The following HS1BP3 variants were observed in gnomAD, a reference collection of about 807,000 sequenced individuals.
HS1BP3 encodes the protein HCLS1 binding protein 3, also known as HCLS1-binding protein 3.
Under a neutral mutation model 33.5 loss-of-function variants are expected in HS1BP3, and 32 were observed. The observed-to-expected ratio is 0.95, with a 90% CI of 0.72 to 1.28. The LOEUF (loss-of-function observed/expected upper bound fraction) is 1.28, where lower values mean the gene tolerates loss of function less well. HS1BP3 is among the 50% of genes most tolerant of loss of function. The probability of loss-of-function intolerance (pLI) is 0.00; values close to 1 mark genes in which losing one functional copy is unlikely to be tolerated. For missense variants in HS1BP3, 486 were observed against 502.3 expected, an observed-to-expected ratio of 0.97 and a Z score of 0.31; for synonymous variants, 187 against 209.2, an observed-to-expected ratio of 0.89 and a Z score of 0.92.
downstream of HS1BP3, among the ~76,000 whole-genome samples, chr2:20,559,620 ATG>A (rs1692932496): frequency 6.9e-6 from 1 of 145,028 alleles, no homozygotes; most frequent in South Asian, 2.4e-4. Context: ...GGATGAATGG[ATG>A]GGTGGATGGA....
intron 4 of HS1BP3, among the ~76,000 whole-genome samples, chr2:20,629,837 C>T (rs867051723): frequency 2.0e-5 from 3 of 152,228 alleles, no homozygotes; most frequent in Admixed American, 1.3e-4. Context: ...GCAGCTGCCG[C>T]GGCTGACAGC....
chr2:20,597,496 T>C (rs1228831550), intron 3 of HS1BP3, among the ~76,000 whole-genome samples: 2 of 152,124 alleles, frequency 1.3e-5, no homozygotes, highest in African/African-American at 2.4e-5. Context: ...GAAAAGGAAG[T>C]TGATTTCCAT....
intron 5 of HS1BP3, among the ~76,000 whole-genome samples, chr2:20,570,254 C>G (rs1310601711): frequency 6.6e-6 from 1 of 152,222 alleles, no homozygotes; most frequent in East Asian, 1.9e-4. Context: ...AGCACTATCT[C>G]CTGACTCCTG....
chr2:20,615,788 A>G (rs1694411158), downstream of HS1BP3, among the ~76,000 whole-genome samples: 1 of 152,206 alleles, frequency 6.6e-6, no homozygotes, highest in Non-Finnish European at 1.5e-5. Context: ...GGCCCCAGAG[A>G]GTGGCTGGAC....
chr2:20,638,662 A>C lies in HS1BP3; in HGVS notation c.407-10T>G, dbSNP rs1695243119. ...CCTGGGGATCTGGTACCTGTGGAGG[A>C]AGACAGAAAAGAATGGACTTGGTAA... On this transcript the variant is annotated splice_polypyrimidine_tract_variant and intron_variant, in intron 3 of 6. Transcript: ENST00000304031. 1 of 1,607,842 alleles carries C rather than the reference A, an allele frequency of 6.2e-7. No homozygotes were observed. The highest frequency in any genetic ancestry group is 8.5e-7 in the Non-Finnish European group (1 of 1,175,440).
At chr2:20,595,421 T>A (rs1693920318) in intron 3 of HS1BP3, among the ~76,000 whole-genome samples, 2 of 152,124 alleles carry the variant, frequency 1.3e-5, no homozygotes, top group South Asian at 2.1e-4. Flanking sequence ...ATCATCCTCC[T>A]CCTCCTCACA....
chr2:20,613,919 A>C (rs1204642977), downstream of HS1BP3, among the ~76,000 whole-genome samples: 1 of 152,242 alleles, frequency 6.6e-6, no homozygotes, highest in Non-Finnish European at 1.5e-5. Flanking sequence ...TCATGTCCAC[A>C]AGGACGCTGT....
intron 5 of HS1BP3, among the ~76,000 whole-genome samples, chr2:20,564,763 T>C (rs946062701): frequency 4.6e-5 from 7 of 152,144 alleles, no homozygotes; most frequent in African/African-American, 1.7e-4. Context: ...AGATTACAGG[T>C]GTGAGCCACC....
At chr2:20,570,217 G>C in intron 5 of HS1BP3, among the ~76,000 whole-genome samples, 1 of 152,158 alleles carries the variant, frequency 6.6e-6, no homozygotes, top group East Asian at 1.9e-4. Context: ...TGGGACACCA[G>C]AATATGGAGT....
downstream of HS1BP3, among the ~76,000 whole-genome samples, chr2:20,558,805 G>T (rs575652569): frequency 6.6e-6 from 1 of 152,294 alleles, no homozygotes; most frequent in Non-Finnish European, 1.5e-5. Context: ...TGGGAGGGGA[G>T]GGCCACTCTA....
At chr2:20,565,127 A>G (rs1416225894) in intron 5 of HS1BP3, among the ~76,000 whole-genome samples, 1 of 152,194 alleles carries the variant, frequency 6.6e-6, no homozygotes, top group Non-Finnish European at 1.5e-5. Context: ...TCTCTGTGGG[A>G]AGACACAAAA....
intron 5 of HS1BP3, among the ~76,000 whole-genome samples, chr2:20,566,203 T>G (rs13006062): frequency 0.43 from 65,869 of 152,112 alleles, 14,382 homozygotes; most frequent in Middle Eastern, 0.49. Flanking sequence ...GCAGCCAGAC[T>G]TATTCCCCTG....
At chr2:20,586,929 T>TA (rs1693696830) in intron 5 of HS1BP3, among the ~76,000 whole-genome samples, 1 of 152,210 alleles carries the variant, frequency 6.6e-6, no homozygotes, top group Non-Finnish European at 1.5e-5. Flanking sequence ...GGTGTTACCA[T>TA]AAGCTGGTGT....
intron 5 of HS1BP3, among the ~76,000 whole-genome samples, chr2:20,564,730 C>T (rs11679384): frequency 0.7 from 106,380 of 152,044 alleles, 41,645 homozygotes; most frequent in Non-Finnish European, 0.86. Flanking sequence ...GTAATCTGCC[C>T]GCCTCAGCCT....
chr2:20,598,725 A>AT (rs1278995510), intron 2 of HS1BP3, among the ~76,000 whole-genome samples: 2 of 150,224 alleles, frequency 1.3e-5, no homozygotes, highest in Non-Finnish European at 3.0e-5. Context: ...CGCCCGGCTA[A>AT]TTTTTTGTAT....
chr2:20,632,799 G>A (rs920207913), intron 4 of HS1BP3, among the ~76,000 whole-genome samples: 3 of 152,100 alleles, frequency 2.0e-5, no homozygotes, highest in South Asian at 2.1e-4. Context: ...CTCCAGAATC[G>A]CCTGCTCTAG....
At chr2:20,583,942 C>T (rs767059431) in intron 5 of HS1BP3, among the ~76,000 whole-genome samples, 2 of 152,180 alleles carry the variant, frequency 1.3e-5, no homozygotes, top group African/African-American at 2.4e-5. Context: ...TATCTGTGTC[C>T]CACGGCTCCG....
chr2:20,577,585 C>A (rs985870168), intron 5 of HS1BP3, among the ~76,000 whole-genome samples: 4 of 152,096 alleles, frequency 2.6e-5, no homozygotes, highest in Non-Finnish European at 5.9e-5. Flanking sequence ...GCCTCCAGGC[C>A]CAAGGTGAGG....
At position 20,624,950 on chromosome 2, in the gene HS1BP3, C is replaced by A. The variant is rs10176598; in HGVS notation, c.624-58G>T. Reference sequence around the variant, plus strand: ...ATTTCCCACAAGTGTCCAGGTGGTCCGGTCAGACCGACACAGGCGCTGGGC... The same window carrying A: ...ATTTCCCACAAGTGTCCAGGTGGTCAGGTCAGACCGACACAGGCGCTGGGC... On this transcript the variant is annotated intron_variant, in intron 4 of 6. Coordinates refer to ENST00000304031, the MANE Select transcript of HS1BP3 (RefSeq NM_022460.4). 2.1e-4 allele frequency: 333 copies of A among 1,589,968 alleles called. 1 individual carries two copies. The African/African-American group carries it at 3.5e-3, about 17-fold the overall frequency.
Sources: gnomAD v4.1 joint callset for allele counts (sites outside exome capture counted in the v4.1 genomes callset) on GRCh38, gnomAD v4.1.1 for gene constraint, MANE v1.5 for transcripts, NCBI Gene and HGNC (gene_info 2026-07-23, HGNC 2026-07-21) for gene names.